Variants in PDLIM5 observed in about 807,000 individuals in gnomAD.
PDLIM5 encodes PDZ and LIM domain protein 5.
Under a neutral mutation model 64.2 loss-of-function variants are expected in PDLIM5, and 34 were observed. That is an observed-to-expected ratio of 0.53 (90% CI 0.40 to 0.71). PDLIM5 has a LOEUF of 0.71. Among genes scored for constraint, PDLIM5 ranks in the 30% least tolerant of loss-of-function variants. The pLI is 0.00. For missense variants in PDLIM5, 683 were observed against 733.6 expected (o/e 0.93, Z 0.80); for synonymous variants, 253 against 269.1 (o/e 0.94, Z 0.59).
chr4:94,631,427 T>C (rs1262206628), intron 8 of PDLIM5, among the ~76,000 whole-genome samples: 2 of 152,192 alleles, frequency 1.3e-5, no homozygotes, highest in African/African-American at 4.8e-5. Context: ...TCTAAGCTGT[T>C]AAGAGACTTC....
chr4:94,498,975 A>G (rs193076053), intron 2 of PDLIM5, among the ~76,000 whole-genome samples: 1 of 152,362 alleles, frequency 6.6e-6, no homozygotes, highest in East Asian at 1.9e-4. Context: ...TGTAGCTGTT[A>G]ATGGTAAAAA....
chr4:94,584,128 C>G (rs1306762648), intron 5 of PDLIM5, among the ~76,000 whole-genome samples: 2 of 152,200 alleles, frequency 1.3e-5, no homozygotes, highest in African/African-American at 4.8e-5. Flanking sequence ...ATGATTTTCT[C>G]ACAGTGAGTT....
rs1743061898 is a variant in PDLIM5, at chr4:94,665,954, G to A, written c.*1887G>A. On this transcript the variant is annotated 3_prime_UTR_variant, in exon 13 of 13. Coordinates refer to ENST00000317968, the MANE Select transcript of PDLIM5 (RefSeq NM_006457.5). The stretch of plus-strand genomic sequence containing the variant: ...GGGAAACAATTGTGGTAAAACTGTG[G>A]ATCCTGTTGCTATTTGCCCAGTGAG... 6.6e-7 allele frequency: 1 copy of A among 1,524,314 alleles called. No individual in the cohort carries two copies. The highest frequency in any genetic ancestry group is 8.8e-7 in the Non-Finnish European group (1 of 1,141,260). 94.4% of individuals were successfully genotyped at this position (1,524,314 alleles called of 1,614,324 possible). A position where few individuals can be genotyped will look rare whatever the true frequency, so the allele number is the denominator to read the frequency against.
At chr4:94,502,068 C>T (rs947189887) in intron 2 of PDLIM5, among the ~76,000 whole-genome samples, 1 of 151,770 alleles carries the variant, frequency 6.6e-6, no homozygotes, top group African/African-American at 2.4e-5. Context: ...TCCCCTTTTC[C>T]CTTATTCCTA....
At chr4:94,519,539 T>C (rs374631980) in intron 2 of PDLIM5, among the ~76,000 whole-genome samples, 1 of 152,200 alleles carries the variant, frequency 6.6e-6, no homozygotes, top group Admixed American at 6.5e-5. Flanking sequence ...TGTAGTCTTA[T>C]TGTTGTATGG....
intron 9 of PDLIM5, among the ~76,000 whole-genome samples, chr4:94,647,976 A>G (rs1395228472): frequency 1.3e-5 from 2 of 152,230 alleles, no homozygotes; most frequent in Non-Finnish European, 2.9e-5. Context: ...TGAAAATGAA[A>G]ATGTAATATA....
intron 2 of PDLIM5, among the ~76,000 whole-genome samples, chr4:94,471,098 C>T (rs1724829672): frequency 1.3e-5 from 2 of 152,104 alleles, no homozygotes; most frequent in African/African-American, 4.8e-5. Context: ...TACCTCCCAC[C>T]AGGTCCCTCC....
chr4:94,599,596 A>G (rs1173529169), intron 7 of PDLIM5, among the ~76,000 whole-genome samples: 1 of 152,174 alleles, frequency 6.6e-6, no homozygotes, highest in Non-Finnish European at 1.5e-5. Flanking sequence ...CCTTAGGGGA[A>G]TGTATCATTA....
intron 3 of PDLIM5, among the ~76,000 whole-genome samples, chr4:94,568,550 A>G (rs915539996): frequency 1.3e-5 from 2 of 152,252 alleles, no homozygotes. Context: ...AAATTTTATA[A>G]ATACTATTTA....
intron 10 of PDLIM5, among the ~76,000 whole-genome samples, chr4:94,655,252 T>C (rs948386791): frequency 6.6e-6 from 1 of 150,590 alleles, no homozygotes; most frequent in Admixed American, 6.6e-5. Flanking sequence ...CAGTACATAA[T>C]AAATAATGAA....
intron 7 of PDLIM5, among the ~76,000 whole-genome samples, chr4:94,617,540 C>T (rs1435490671): frequency 6.6e-6 from 1 of 151,048 alleles, no homozygotes; most frequent in Non-Finnish European, 1.5e-5. Flanking sequence ...GGAATGATGG[C>T]TCACACCTGT....
chr4:94,453,340 C>T (rs1468468803), intron 1 of PDLIM5, among the ~76,000 whole-genome samples: 4 of 152,122 alleles, frequency 2.6e-5, no homozygotes, highest in African/African-American at 9.7e-5. Context: ...CCAAATGAAG[C>T]TAGCAGAAGA....
intron 8 of PDLIM5, among the ~76,000 whole-genome samples, chr4:94,637,951 A>G (rs1476659245): frequency 1.3e-5 from 2 of 152,210 alleles, no homozygotes; most frequent in African/African-American, 2.4e-5. Context: ...GACCTGAGAA[A>G]GAAACATTTT....
intron 2 of PDLIM5, among the ~76,000 whole-genome samples, chr4:94,475,470 C>G (rs1032893709): frequency 6.6e-6 from 1 of 152,098 alleles, no homozygotes; most frequent in Admixed American, 6.5e-5. Context: ...GTTTCATGGT[C>G]AATGTGCCCT....
In PDLIM5 at chr4:94,664,645, G is replaced by C. The variant is rs1418989806; in HGVS notation, c.*578G>C. On this transcript the variant is annotated 3_prime_UTR_variant, in exon 13 of 13. Coordinates refer to ENST00000317968, the MANE Select transcript of PDLIM5 (RefSeq NM_006457.5). ...AGCACTTTGGGAGGCCAAGGTGGGT[G>C]GACCACATGAGGTCAGGAGTTTGAG... 7.8e-6 allele frequency: 2 copies of C among 257,416 alleles called. No individual in the cohort carries two copies. The highest frequency in any genetic ancestry group is 6.5e-5 in the Admixed American group (1 of 15,388). 15.9% of individuals were successfully genotyped at this position (257,416 alleles called of 1,614,324 possible).
intron 8 of PDLIM5, among the ~76,000 whole-genome samples, chr4:94,618,494 A>G (rs936683945): frequency 1.3e-5 from 2 of 152,242 alleles, no homozygotes; most frequent in Non-Finnish European, 2.9e-5. Context: ...TAACAACTAT[A>G]TTGTTGGAAG....
intron 8 of PDLIM5, among the ~76,000 whole-genome samples, chr4:94,623,192 T>C (rs370275252): frequency 0.29 from 945 of 3,258 alleles, 10 homozygotes; most frequent in African/African-American, 0.46. Flanking sequence ...GGCTGTCTGC[T>C]GCTGGTCAAA....
intron 8 of PDLIM5, among the ~76,000 whole-genome samples, chr4:94,630,866 A>G (rs1419882181): frequency 6.6e-6 from 1 of 152,222 alleles, no homozygotes; most frequent in Non-Finnish European, 1.5e-5. Flanking sequence ...TGAAGTTTGT[A>G]CAATAAAATA....
intron 8 of PDLIM5, among the ~76,000 whole-genome samples, chr4:94,634,544 T>C (rs1410113048): frequency 6.6e-6 from 1 of 152,234 alleles, no homozygotes; most frequent in African/African-American, 2.4e-5. Flanking sequence ...TGACAGGATG[T>C]AGTATTTTTT....
Sources: gnomAD v4.1 joint callset for allele counts (sites outside exome capture counted in the v4.1 genomes callset) on GRCh38, gnomAD v4.1.1 for gene constraint, MANE v1.5 for transcripts, NCBI Gene and HGNC (gene_info 2026-07-23, HGNC 2026-07-21) for gene names.